Variants in KALRN observed in about 807,000 individuals in gnomAD.
The protein encoded by KALRN is kalirin.
A neutral mutation model predicts 353.7 loss-of-function variants in KALRN; 70 were observed. That is an observed-to-expected ratio of 0.20 (90% CI 0.16 to 0.24). The LOEUF is 0.24. Ranked by LOEUF, KALRN falls within the 10% of genes least tolerant of loss-of-function variation. The pLI is 1.00. For synonymous variants in KALRN, 1,391 were observed against 1,434.8 expected, an observed-to-expected ratio of 0.97 and a Z score of 0.69; for missense variants, 2,791 against 3,756.7, an observed-to-expected ratio of 0.74 and a Z score of 6.72.
chr3:124,121,922 A>G (rs2064070699), intron 1 of KALRN, among the ~76,000 whole-genome samples: 1 of 152,182 alleles, frequency 6.6e-6, no homozygotes, highest in Non-Finnish European at 1.5e-5. Flanking sequence ...TGCTTCAGGG[A>G]AGATGGGCAA....
intron 10 of KALRN, among the ~76,000 whole-genome samples, chr3:124,375,512 G>T (rs1223908609): frequency 6.6e-6 from 1 of 152,168 alleles, no homozygotes; most frequent in African/African-American, 2.4e-5. Context: ...GGTGGGGAGA[G>T]GTCAGGGACA....
chr3:124,135,170 T>C (rs1578441130), intron 1 of KALRN, among the ~76,000 whole-genome samples: 2 of 152,300 alleles, frequency 1.3e-5, no homozygotes, highest in Middle Eastern at 3.4e-3. Flanking sequence ...ATGTGGTATA[T>C]ACATATGATG....
intron 5 of KALRN, among the ~76,000 whole-genome samples, chr3:124,292,982 G>A (rs997907496): frequency 5.3e-5 from 8 of 152,198 alleles, no homozygotes; most frequent in Non-Finnish European, 1.2e-4. Context: ...TTATACAGCA[G>A]AGTCTGTACT....
chr3:124,291,282 C>T (rs2076396751), intron 5 of KALRN, among the ~76,000 whole-genome samples: 1 of 152,208 alleles, frequency 6.6e-6, no homozygotes, highest in South Asian at 2.1e-4. Context: ...TTATAAAAAT[C>T]ACCACCTCAG....
At position 124,441,559 on chromosome 3, in the gene KALRN, T is replaced by C. The variant is rs566694074; in HGVS notation, c.3199-386T>C. Among the ~76,000 whole-genome samples, 4 of 152,294 alleles carry C rather than the reference T, an allele frequency of 2.6e-5. No homozygotes were observed. The South Asian group carries it at 8.3e-4, about 32-fold the overall frequency. On this transcript the variant is annotated intron_variant, in intron 18 of 59. Coordinates refer to ENST00000682506, the MANE Select transcript of KALRN (RefSeq NM_001388419.1). ...ATAAGGAGGAGCCAGGTGCCATGGC[T>C]CATGCCTGTAATCCTAGCACTTTGG...
intron 43 of KALRN, among the ~76,000 whole-genome samples, chr3:124,659,697 A>T (rs1414034195): frequency 6.6e-6 from 1 of 151,962 alleles, no homozygotes. Flanking sequence ...TTGTTACTTG[A>T]TTTTATTTTT....
chr3:124,131,662 G>A (rs1380883775), intron 1 of KALRN, among the ~76,000 whole-genome samples: 2 of 152,304 alleles, frequency 1.3e-5, no homozygotes, highest in East Asian at 3.9e-4. Flanking sequence ...ACATCAGGGT[G>A]TAGGAACACA....
intron 15 of KALRN, 149 bp from the exon 16 acceptor site, chr3:124,430,507 C>A: frequency 1.1e-6 from 1 of 905,984 alleles, no homozygotes; most frequent in Non-Finnish European, 1.7e-6. Flanking sequence ...GGGAGATGAC[C>A]ATTTTGATTA....
chr3:124,254,558 A>G (rs967339115), intron 3 of KALRN, among the ~76,000 whole-genome samples: 7 of 152,140 alleles, frequency 4.6e-5, no homozygotes, highest in Non-Finnish European at 7.4e-5. Context: ...AGTTTTCTTA[A>G]CGGTAGGGCA....
chr3:124,412,349 G>T (rs2092231732), intron 13 of KALRN, among the ~76,000 whole-genome samples: 1 of 152,174 alleles, frequency 6.6e-6, no homozygotes, highest in Admixed American at 6.5e-5. Flanking sequence ...TGCTTAGATG[G>T]CCTGGGCCAT....
chr3:124,712,226 A>G (rs770470485), intron 57 of KALRN, among the ~76,000 whole-genome samples: 76 of 152,198 alleles, frequency 5.0e-4, no homozygotes, highest in Non-Finnish European at 8.5e-4. Flanking sequence ...TCCAATTTGC[A>G]ATGGCTTTAC....
At chr3:124,471,248 C>T (rs2060858005) in intron 25 of KALRN, among the ~76,000 whole-genome samples, 1 of 142,284 alleles carries the variant, frequency 7.0e-6, no homozygotes, top group African/African-American at 2.7e-5. Context: ...CAAGCACCCC[C>T]ACAAAGTTTT....
At chr3:124,692,587 A>G (rs1559856436) in intron 51 of KALRN, among the ~76,000 whole-genome samples, 1 of 152,364 alleles carries the variant, frequency 6.6e-6, no homozygotes, top group South Asian at 2.1e-4. Flanking sequence ...CAAATAAGCT[A>G]TTAAAGGTAA....
chr3:124,334,345 A>G lies in KALRN; in HGVS notation c.1497A>G (p.Thr499=). ...GGAACTCCGAATCCCTCACGGCCAC[A>G]GCCAACTACTCCAAGGCAGTGCACC... ...SPGNSESLTA[T]ANYSKAVHQV... The change falls in exon 9 of 60, where the codon ACA becomes ACG. Residue 499 remains threonine, a synonymous_variant. Coordinates refer to ENST00000682506, the MANE Select transcript of KALRN (RefSeq NM_001388419.1). This position sits in a 1 kb window ranked among gnomAD's most constrained non-coding sequence, Gnocchi z 4.2. 1 of 1,614,236 alleles carries G rather than the reference A, an allele frequency of 6.2e-7. No homozygotes were observed. Among genetic ancestry groups the G allele is most frequent in the South Asian group, 1.1e-5 (1 of 91,086 alleles).
intron 1 of KALRN, among the ~76,000 whole-genome samples, chr3:124,034,211 G>A (rs945706045): frequency 6.6e-6 from 1 of 152,024 alleles, no homozygotes; most frequent in Non-Finnish European, 1.5e-5. Flanking sequence ...CGGGGCTCCC[G>A]GCGGCCGCCC....
chr3:124,436,140 G>C (rs1463425591), intron 17 of KALRN, among the ~76,000 whole-genome samples: 1 of 152,172 alleles, frequency 6.6e-6, no homozygotes, highest in Non-Finnish European at 1.5e-5. Context: ...CTGGACAACT[G>C]AATATCCATA....
intron 34 of KALRN, among the ~76,000 whole-genome samples, chr3:124,611,525 A>C (rs909815820): frequency 6.6e-6 from 1 of 152,230 alleles, no homozygotes; most frequent in East Asian, 1.9e-4. Flanking sequence ...TCACTAGAAG[A>C]AAAGGTGATT....
At chr3:124,035,350 G>A (rs1447385355) in intron 1 of KALRN, among the ~76,000 whole-genome samples, 1 of 152,168 alleles carries the variant, frequency 6.6e-6, no homozygotes, top group Non-Finnish European at 1.5e-5. Context: ...TTATGAGGCA[G>A]AGGAGGGGAG....
chr3:124,356,468 G>C (rs2083433196), intron 10 of KALRN, among the ~76,000 whole-genome samples: 1 of 151,458 alleles, frequency 6.6e-6, no homozygotes, highest in Non-Finnish European at 1.5e-5. Flanking sequence ...TGAGTAGCTG[G>C]GATTACAGGT....
Sources: gnomAD v4.1 joint callset for allele counts (sites outside exome capture counted in the v4.1 genomes callset) on GRCh38, gnomAD v4.1.1 for gene constraint, Gnocchi (gnomAD v3.1) non-coding constraint, MANE v1.5 for transcripts, NCBI Gene and HGNC (gene_info 2026-07-23, HGNC 2026-07-21) for gene names.